KLF7: variants seen among roughly 807,000 people sequenced by gnomAD.
KLF7 encodes the protein KLF transcription factor 7.
KLF7 carries 2 observed loss-of-function variants against 27.3 expected under a neutral mutation model. The ratio of observed to expected loss-of-function variants is 0.07; its 90% confidence interval spans 0.03 to 0.23. The LOEUF (loss-of-function observed/expected upper bound fraction) is 0.23, where lower values mean the gene tolerates loss of function less well. Among genes scored for constraint, KLF7 ranks in the 10% least tolerant of loss-of-function variants. KLF7 has a pLI of 1.00. For synonymous variants in KLF7, 165 were observed against 162.4 expected, an observed-to-expected ratio of 1.02 and a Z score of -0.12; for missense variants, 221 against 394.1, an observed-to-expected ratio of 0.56 and a Z score of 3.72.
chr2:207,121,963 A>C (rs2077352223), intron 2 of KLF7: 1 of 152,244 alleles, frequency 6.6e-6, no homozygotes. Context: ...TGAACTCCAC[A>C]GCCCAAAGAC....
chr2:207,161,119 CA>C (rs2078533103), intron 1 of KLF7, among the ~76,000 whole-genome samples: 1 of 152,206 alleles, frequency 6.6e-6, no homozygotes, highest in Non-Finnish European at 1.5e-5. Flanking sequence ...CCTAAATCTA[CA>C]CAAAGATGTG....
chr2:207,115,178 CAA>C (rs373367434), intron 2 of KLF7, among the ~76,000 whole-genome samples: 1 of 136,700 alleles, frequency 7.3e-6, no homozygotes. Flanking sequence ...ATGTCAGTTG[CAA>C]AAAAAAAAAG....
chr2:207,166,766 A>C, upstream of KLF7: 1 of 986,380 alleles, frequency 1.0e-6, no homozygotes, highest in Middle Eastern at 5.2e-4. Flanking sequence ...CTCAAAAACA[A>C]GCAGAAAAGG....
chr2:207,165,814 G>C lies in KLF7; in HGVS notation c.-246C>G. On this transcript the variant is annotated 5_prime_UTR_variant, in exon 1 of 4. Coordinates refer to ENST00000309446, the MANE Select transcript of KLF7 (RefSeq NM_003709.4). ...GGCATCCAGCGTGTACAGTGCAGAC[G>C]ACTGCCAGGAAAAGGGGACTTCTCC... 1 of 1,349,998 alleles carries C rather than the reference G, an allele frequency of 7.4e-7. No individual in the cohort carries two copies. The highest frequency in any genetic ancestry group is 9.5e-7 in the Non-Finnish European group (1 of 1,049,130). The allele number at this position is 1,349,998 out of a possible 1,614,324, so 83.6% of individuals were successfully genotyped here.
At chr2:207,110,379 T>C (rs559746424) in intron 2 of KLF7, among the ~76,000 whole-genome samples, 1 of 152,378 alleles carries the variant, frequency 6.6e-6, no homozygotes, top group East Asian at 1.9e-4. Context: ...ATTTCTTCAC[T>C]AACAGTTAAT....
chr2:207,119,893 G>A (rs957908178), intron 2 of KLF7, among the ~76,000 whole-genome samples: 7 of 152,078 alleles, frequency 4.6e-5, no homozygotes, highest in Non-Finnish European at 8.8e-5. Context: ...AGTAGAGACG[G>A]GTGTTGGTCA....
rs2076193925 is a variant in KLF7 at position 207,077,385 on chromosome 2, G to C, written c.*3828C>G. ...GCCAGAGAAGATTTTTTAAAACTAG[G>C]ATTCAGTTCTGCTAATCAGGCATGA... On this transcript the variant is annotated 3_prime_UTR_variant, in exon 4 of 4. Transcript: ENST00000309446. 1 of 152,058 alleles carries C rather than the reference G, an allele frequency of 6.6e-6. No homozygotes were observed. Among genetic ancestry groups the C allele is most frequent in the Non-Finnish European group, 1.5e-5 (1 of 67,992 alleles). The allele number at this position is 152,058 out of a possible 1,614,324, so 9.4% of individuals were successfully genotyped here.
intron 2 of KLF7, among the ~76,000 whole-genome samples, chr2:207,116,490 T>C (rs1004430144): frequency 7.2e-5 from 11 of 152,220 alleles, no homozygotes; most frequent in African/African-American, 1.4e-4. Context: ...TCAGGAAACA[T>C]AGAAAATCCC....
chr2:207,097,308 G>A (rs2076655153), intron 2 of KLF7, among the ~76,000 whole-genome samples: 1 of 151,892 alleles, frequency 6.6e-6, no homozygotes, highest in African/African-American at 2.4e-5. Context: ...AGATTCGATG[G>A]AACCTAGTAC....
At chr2:207,120,466 T>C (rs1469815230) in intron 2 of KLF7, among the ~76,000 whole-genome samples, 3 of 152,214 alleles carry the variant, frequency 2.0e-5, no homozygotes. Flanking sequence ...TATTACCATA[T>C]AGAAGAGATA....
At chr2:207,100,559 T>C (rs1444711178) in intron 2 of KLF7, among the ~76,000 whole-genome samples, 1 of 152,166 alleles carries the variant, frequency 6.6e-6, no homozygotes, top group African/African-American at 2.4e-5. Flanking sequence ...ACTTCTTACA[T>C]AACCCTCTAG....
chr2:207,156,135 C>T (rs1233105637), intron 1 of KLF7, among the ~76,000 whole-genome samples: 2 of 152,168 alleles, frequency 1.3e-5, no homozygotes, highest in East Asian at 3.8e-4. Flanking sequence ...CCAACCATAC[C>T]CCCATCAAAG....
intron 1 of KLF7, among the ~76,000 whole-genome samples, chr2:207,127,520 T>C (rs1239554453): frequency 4.6e-5 from 7 of 152,130 alleles, no homozygotes; most frequent in Non-Finnish European, 1.0e-4. Context: ...ACATTGTTTG[T>C]AAATGATTAT....
chr2:207,151,172 C>T (rs180950406), intron 1 of KLF7, among the ~76,000 whole-genome samples: 1 of 152,142 alleles, frequency 6.6e-6, no homozygotes, highest in East Asian at 1.9e-4. Flanking sequence ...AACTGCCTCC[C>T]GAGGTAATTC....
intron 2 of KLF7, among the ~76,000 whole-genome samples, chr2:207,107,399 C>T (rs1385138425): frequency 2.0e-5 from 3 of 152,196 alleles, no homozygotes; most frequent in African/African-American, 7.2e-5. Flanking sequence ...CACTTTTTCT[C>T]AGCTACTGCT....
chr2:207,113,924 T>A (rs751386238), intron 2 of KLF7, among the ~76,000 whole-genome samples: 1 of 152,220 alleles, frequency 6.6e-6, no homozygotes, highest in Non-Finnish European at 1.5e-5. Context: ...AATGACAGTA[T>A]TTAGTTTCAA....
At chr2:207,115,635 C>A (rs914364205) in intron 2 of KLF7, among the ~76,000 whole-genome samples, 2 of 152,094 alleles carry the variant, frequency 1.3e-5, no homozygotes, top group Non-Finnish European at 2.9e-5. Context: ...TGAAAGGAAG[C>A]CACTTTTAGA....
chr2:207,167,182 G>A (rs1223331906), upstream of KLF7: 7 of 1,411,722 alleles, frequency 5.0e-6, no homozygotes, highest in Non-Finnish European at 6.5e-6. Context: ...TCGATGGTGA[G>A]AGGAGGAACT....
At chr2:207,093,370 G>A (rs1288810271) in intron 2 of KLF7, among the ~76,000 whole-genome samples, 5 of 151,964 alleles carry the variant, frequency 3.3e-5, no homozygotes, top group Admixed American at 2.0e-4. Context: ...CATCTCCTAC[G>A]CTCCCCTCCC....
Sources: gnomAD v4.1 joint callset for allele counts (sites outside exome capture counted in the v4.1 genomes callset) on GRCh38, gnomAD v4.1.1 for gene constraint, MANE v1.5 for transcripts, NCBI Gene and HGNC (gene_info 2026-07-23, HGNC 2026-07-21) for gene names.